Variants in ZBBX observed in about 807,000 individuals in gnomAD.
ZBBX encodes the protein zinc finger B-box domain-containing protein 1.
A neutral mutation model predicts 108.5 loss-of-function variants in ZBBX; 101 were observed. The observed-to-expected ratio is 0.93, with a 90% CI of 0.79 to 1.10. The LOEUF is 1.10. ZBBX is among the 50% of genes least tolerant of loss of function. The pLI, the probability that ZBBX is intolerant of heterozygous loss-of-function variation, is 0.00. For synonymous variants in ZBBX, 356 were observed against 323.4 expected (o/e 1.10, Z -1.08); for missense variants, 1,009 against 941.4 (o/e 1.07, Z -0.94).
chr3:167,240,758 G>A lies in ZBBX; in HGVS notation c.*35C>T. The A allele has an allele frequency of 6.3e-7, 1 of 1,599,556 alleles. No homozygotes were observed. The highest frequency in any genetic ancestry group is 8.5e-7 in the Non-Finnish European group (1 of 1,172,530). On this transcript the variant is annotated 3_prime_UTR_variant, in exon 22 of 22. Transcript: ENST00000675490. ...TTTCTCAGTTGTTTGCTTTACTCTG[G>A]GTACAAAATGGAAACAGTAATGAAC...
chr3:167,320,049 T>C (rs1031685973), intron 12 of ZBBX, among the ~76,000 whole-genome samples: 2 of 151,620 alleles, frequency 1.3e-5, no homozygotes, highest in African/African-American at 4.8e-5. Flanking sequence ...TACTTCCCAG[T>C]TTCTTCCTCT....
chr3:167,225,472 C>T, the ZBBX span, among the ~76,000 whole-genome samples: 1 of 151,914 alleles, frequency 6.6e-6, no homozygotes, highest in Admixed American at 6.6e-5. Flanking sequence ...TACCCAGACC[C>T]TAAAAGCCCC....
At chr3:167,351,804 G>A (rs532729744) in intron 8 of ZBBX, among the ~76,000 whole-genome samples, 34 of 152,318 alleles carry the variant, frequency 2.2e-4, no homozygotes, top group Non-Finnish European at 1.5e-5. Context: ...AGCAAGAGGG[G>A]AAGCTGGGTG....
chr3:167,383,920 T>C (rs1267976949), upstream of ZBBX, among the ~76,000 whole-genome samples: 1 of 152,052 alleles, frequency 6.6e-6, no homozygotes, highest in Non-Finnish European at 1.5e-5. Context: ...AATGGGAGCA[T>C]TACATGTTTG....
chr3:167,389,447 A>G (rs1748023214), intron 1 of ZBBX, among the ~76,000 whole-genome samples: 1 of 152,106 alleles, frequency 6.6e-6, no homozygotes, highest in Admixed American at 6.6e-5. Context: ...ATATGTGTAC[A>G]TGTGTCTTTA....
the ZBBX span, among the ~76,000 whole-genome samples, chr3:167,188,383 C>T: frequency 1.6e-4 from 25 of 152,080 alleles, no homozygotes; most frequent in East Asian, 3.5e-3. Flanking sequence ...TTGTGTAAAA[C>T]GATGTGAAAA....
intron 5 of ZBBX, among the ~76,000 whole-genome samples, chr3:167,367,358 A>C (rs1340571670): frequency 6.6e-6 from 1 of 151,924 alleles, no homozygotes; most frequent in African/African-American, 2.4e-5. Context: ...AAATACATGA[A>C]GAAGCATGTT....
chr3:167,229,701 A>G, the ZBBX span, among the ~76,000 whole-genome samples: 1 of 151,932 alleles, frequency 6.6e-6, no homozygotes, highest in East Asian at 1.9e-4. Context: ...AAGAAAAATG[A>G]CCACTGTAAT....
chr3:167,224,287 G>C, the ZBBX span, among the ~76,000 whole-genome samples: 2 of 151,756 alleles, frequency 1.3e-5, no homozygotes, highest in African/African-American at 2.4e-5. Flanking sequence ...CATTCTAAAG[G>C]CTTTATTTTT....
At chr3:167,251,917 G>A in intron 20 of ZBBX, among the ~76,000 whole-genome samples, 1 of 103,084 alleles carries the variant, frequency 9.7e-6, no homozygotes, top group East Asian at 2.8e-4. Flanking sequence ...TCATGATGTT[G>A]TGCCTGCAAC....
chr3:167,372,726 A>G (rs989769556), intron 4 of ZBBX, 108 bp downstream of exon 4: 3 of 574,472 alleles, frequency 5.2e-6, no homozygotes, highest in African/African-American at 3.8e-5. Context: ...ATAGATAAAA[A>G]TACAGGAATG....
the ZBBX span, among the ~76,000 whole-genome samples, chr3:167,234,106 A>C: frequency 7.9e-5 from 12 of 151,828 alleles, no homozygotes; most frequent in East Asian, 2.3e-3. Context: ...CTCATTTTAC[A>C]CACGGAGTTT....
At chr3:167,198,887 T>A in the ZBBX span, among the ~76,000 whole-genome samples, 1 of 152,112 alleles carries the variant, frequency 6.6e-6, no homozygotes, top group African/African-American at 2.4e-5. Context: ...AAAGTAAAGG[T>A]TATTTGGTAA....
chr3:167,266,303 G>T (rs557747811), intron 20 of ZBBX, among the ~76,000 whole-genome samples: 55 of 152,290 alleles, frequency 3.6e-4, no homozygotes, highest in African/African-American at 1.3e-3. Context: ...CGTACAGTTT[G>T]TAAGATACAA....
chr3:167,360,777 A>T (rs957669264), intron 6 of ZBBX, 54 bp from the exon 7 acceptor site: 2 of 1,148,692 alleles, frequency 1.7e-6, no homozygotes, highest in Non-Finnish European at 2.4e-6. Context: ...TTATTCAACG[A>T]AAGTTGCCAA....
At chr3:167,330,871 G>GAGGAGAAGAAGAAGAAGAAGAAGAAGA (rs1423113017) in intron 10 of ZBBX, among the ~76,000 whole-genome samples, 4 of 43,912 alleles carry the variant, frequency 9.1e-5, no homozygotes, top group Admixed American at 2.8e-4. Context: ...GGAGGAGGAG[G>GAGGAGAAGAAGAAGAAGAAGAAGAAGA]AGAAGAAGAA....
intron 2 of ZBBX, among the ~76,000 whole-genome samples, chr3:167,378,107 C>T (rs748278671): frequency 1.2e-4 from 18 of 152,150 alleles, no homozygotes; most frequent in Admixed American, 6.5e-5. Context: ...CCCAGCCCTG[C>T]AGAACTGTGA....
chr3:167,185,098 T>C, the ZBBX span, among the ~76,000 whole-genome samples: 2 of 152,214 alleles, frequency 1.3e-5, no homozygotes, highest in African/African-American at 4.8e-5. Context: ...TGGTTTGTAA[T>C]TGTTCCAAAC....
intron 16 of ZBBX, among the ~76,000 whole-genome samples, chr3:167,311,939 C>A (rs1479150430): frequency 6.6e-6 from 1 of 152,032 alleles, no homozygotes; most frequent in African/African-American, 2.4e-5. Flanking sequence ...TTGGTATTTA[C>A]CCAAATAAGT....
Sources: allele counts gnomAD v4.1 joint callset (sites outside exome capture counted in the v4.1 genomes callset), GRCh38; gene constraint gnomAD v4.1.1; transcripts MANE v1.5; gene names NCBI Gene and HGNC (gene_info 2026-07-23, HGNC 2026-07-21).